PSPC1: variants seen among roughly 807,000 people sequenced by gnomAD.
PSPC1 encodes paraspeckle protein 1.
In PSPC1, 14 loss-of-function variants were observed where a neutral mutation model predicts 51.6. The observed-to-expected ratio is 0.27, with a 90% CI of 0.18 to 0.42. PSPC1 has a LOEUF of 0.42. Among genes scored for constraint, PSPC1 ranks in the 10% least tolerant of loss-of-function variants. The probability of loss-of-function intolerance (pLI) is 1.00; values close to 1 mark genes in which losing one functional copy is unlikely to be tolerated. For missense variants in PSPC1, 406 were observed against 701.1 expected, an observed-to-expected ratio of 0.58 and a Z score of 4.75; for synonymous variants, 193 against 231.9, an observed-to-expected ratio of 0.83 and a Z score of 1.53.
intron 8 of PSPC1, among the ~76,000 whole-genome samples, chr13:19,704,403 AAT>A (rs1880380448): frequency 6.6e-6 from 1 of 152,294 alleles, no homozygotes; most frequent in Non-Finnish European, 1.5e-5. Flanking sequence ...AATAATGATA[AAT>A]GCTGCATTCA....
intron 1 of PSPC1, among the ~76,000 whole-genome samples, chr13:19,779,323 G>T (rs1192251812): frequency 9.0e-6 from 1 of 111,416 alleles, no homozygotes; most frequent in African/African-American, 3.2e-5. Flanking sequence ...CCATCCGGGA[G>T]GGACGTGGGG....
chr13:19,681,204 C>T (rs1005907401), intron 6 of PSPC1, among the ~76,000 whole-genome samples: 3 of 151,978 alleles, frequency 2.0e-5, no homozygotes, highest in Non-Finnish European at 4.4e-5. Context: ...GACAGAGTGA[C>T]ACTCTATCTC....
chr13:19,746,979 A>T (rs1322891420), intron 4 of PSPC1, among the ~76,000 whole-genome samples: 1 of 152,000 alleles, frequency 6.6e-6, no homozygotes. Flanking sequence ...GTGGTGGCGC[A>T]TGCCTGTAAT....
intron 2 of PSPC1, among the ~76,000 whole-genome samples, chr13:19,764,737 T>C (rs1349482648): frequency 7.0e-6 from 1 of 143,816 alleles, no homozygotes; most frequent in Non-Finnish European, 1.5e-5. Flanking sequence ...TTTGCACATG[T>C]AATTTCTTTT....
chr13:19,748,225 G>A (rs201447591), intron 4 of PSPC1, among the ~76,000 whole-genome samples: 29 of 147,084 alleles, frequency 2.0e-4, no homozygotes, highest in Non-Finnish European at 2.5e-4. Context: ...CTCAAAAAAA[G>A]AAAAAAAAAA....
rs1886623418 is a variant in PSPC1, at chr13:19,752,176, A to G, written c.771-709T>C. ...TTTTACTGAGCGTTATGTGCCAATT[A>G]ATTGGGTAGGCCCCAAAAATCAAGG... On this transcript the variant is annotated intron_variant, in intron 3 of 8. Coordinates refer to ENST00000338910, the MANE Select transcript of PSPC1 (RefSeq NM_001354909.2). 2.0e-5 allele frequency among the ~76,000 whole-genome samples: 3 copies of G among 152,308 alleles called. No individual in the cohort carries two copies. In the South Asian group the frequency reaches 6.2e-4, roughly 32 times the overall value.
chr13:19,779,065 C>G, intron 1 of PSPC1, among the ~76,000 whole-genome samples: 1 of 122,514 alleles, frequency 8.2e-6, no homozygotes, highest in African/African-American at 3.0e-5. Flanking sequence ...CGGCCGAGAC[C>G]CCGTCTGGGA....
At chr13:19,721,029 G>A (rs1024259377) in intron 6 of PSPC1, among the ~76,000 whole-genome samples, 1 of 48,478 alleles carries the variant, frequency 2.1e-5, no homozygotes, top group Non-Finnish European at 6.6e-5. Flanking sequence ...ACTTAATACT[G>A]AACATAGACA....
intron 2 of PSPC1, among the ~76,000 whole-genome samples, chr13:19,765,516 T>TGA (rs1887990540): frequency 2.2e-5 from 1 of 45,660 alleles, no homozygotes; most frequent in East Asian, 1.2e-3. Flanking sequence ...TTTTTTTTTT[T>TGA]GAGAGACGGG....
In PSPC1 at chr13:19,752,998, C is replaced by T. The variant is rs533300719; in HGVS notation, c.771-1531G>A. 1.4e-3 allele frequency among the ~76,000 whole-genome samples: 210 copies of T among 151,904 alleles called. 1 individual carries two copies. Among genetic ancestry groups the T allele is most frequent in the African/African-American group, 4.9e-3 (202 of 41,444 alleles). The stretch of plus-strand genomic sequence containing the variant: ...TAGTGGCACAATTAAGACTCACTGC[C>T]GAGACTGGGCACGGTAGGTCACACT... On this transcript the variant is annotated intron_variant, in intron 3 of 8. Coordinates refer to ENST00000338910, the MANE Select transcript of PSPC1 (RefSeq NM_001354909.2).
chr13:19,739,488 C>G (rs904162795), intron 5 of PSPC1, among the ~76,000 whole-genome samples: 7 of 152,188 alleles, frequency 4.6e-5, no homozygotes, highest in African/African-American at 1.7e-4. Flanking sequence ...TGGCTCACAC[C>G]TGTAATCCCA....
chr13:19,720,592 T>G (rs1882646226), intron 6 of PSPC1, among the ~76,000 whole-genome samples: 1 of 152,246 alleles, frequency 6.6e-6, no homozygotes, highest in African/African-American at 2.4e-5. Flanking sequence ...CATAGTCATT[T>G]TTTACACATT....
At chr13:19,777,613 C>T (rs1566060201) in intron 1 of PSPC1, among the ~76,000 whole-genome samples, 1 of 151,982 alleles carries the variant, frequency 6.6e-6, no homozygotes, top group Non-Finnish European at 1.5e-5. Context: ...AATATTTACC[C>T]TTCTCTTGAA....
intron 1 of PSPC1, among the ~76,000 whole-genome samples, chr13:19,779,861 G>T (rs1289614907): frequency 2.5e-4 from 19 of 76,530 alleles, no homozygotes; most frequent in South Asian, 4.9e-4. Flanking sequence ...GGAGGGAGGT[G>T]GGGGGGTCGG....
intron 6 of PSPC1, among the ~76,000 whole-genome samples, chr13:19,728,395 G>A (rs1460520776): frequency 6.6e-6 from 1 of 150,724 alleles, no homozygotes; most frequent in African/African-American, 2.5e-5. Context: ...ACTGAACAGT[G>A]AAATAAAGAG....
At chr13:19,696,959 T>C (rs375768704) in intron 6 of PSPC1, among the ~76,000 whole-genome samples, 16 of 152,186 alleles carry the variant, frequency 1.1e-4, no homozygotes, top group African/African-American at 2.2e-4. Flanking sequence ...TAACACTCAA[T>C]AGCTAATATG....
chr13:19,778,558 A>C (rs1182576451), intron 1 of PSPC1, among the ~76,000 whole-genome samples: 1 of 132,774 alleles, frequency 7.5e-6, no homozygotes, highest in Non-Finnish European at 1.6e-5. Flanking sequence ...GTTTTGGTGG[A>C]GACGGGGTTT....
intron 1 of PSPC1, among the ~76,000 whole-genome samples, chr13:19,780,172 T>G (rs1409150592): frequency 1.1e-5 from 1 of 94,184 alleles, no homozygotes; most frequent in African/African-American, 3.4e-5. Flanking sequence ...AGCCGCCCCG[T>G]CCGGGAGGGA....
rs1294370147 is a variant in PSPC1, at chr13:19,749,305, A to C, written c.967+1966T>G. On this transcript the variant is annotated intron_variant, in intron 4 of 8. Coordinates refer to ENST00000338910, the MANE Select transcript of PSPC1 (RefSeq NM_001354909.2). Reference sequence around the variant, plus strand: ...GGAGGTTGCAGTGAGCTAAGATCACACCAATGCACTCCAGCCTGGGCGACA... The same window carrying C: ...GGAGGTTGCAGTGAGCTAAGATCACCCCAATGCACTCCAGCCTGGGCGACA... Among the ~76,000 whole-genome samples, 24 of 152,058 alleles carry C rather than the reference A, an allele frequency of 1.6e-4. 2 individuals are homozygous for C. The highest frequency in any genetic ancestry group is 1.0e-4 in the Non-Finnish European group (7 of 67,990).
Sources: gnomAD v4.1 joint callset for allele counts (sites outside exome capture counted in the v4.1 genomes callset) on GRCh38, gnomAD v4.1.1 for gene constraint, MANE v1.5 for transcripts, NCBI Gene and HGNC (gene_info 2026-07-23, HGNC 2026-07-21) for gene names.